C2CD2: variants seen among roughly 807,000 people sequenced by gnomAD.
The protein encoded by C2CD2 is C2 calcium dependent domain containing 2, also known as C2 domain-containing protein 2.
In C2CD2, 43 loss-of-function variants were observed where a neutral mutation model predicts 74.3. That is an observed-to-expected ratio of 0.58 (90% CI 0.45 to 0.75). The LOEUF is 0.75. Ranked by LOEUF, C2CD2 falls within the 30% of genes least tolerant of loss-of-function variation. C2CD2 has a pLI of 0.00. For missense variants in C2CD2, 801 were observed against 916.3 expected (o/e 0.87, Z 1.63); for synonymous variants, 422 against 390.7 (o/e 1.08, Z -0.94).
intron 3 of C2CD2, among the ~76,000 whole-genome samples, chr21:41,919,598 G>C (rs551270867): frequency 6.6e-6 from 1 of 152,300 alleles, no homozygotes; most frequent in South Asian, 2.1e-4. Flanking sequence ...AAGGGCCCAG[G>C]GCGCCTCATT....
Position 41,953,473 on chromosome 21 carries a change from C to G in C2CD2, c.176G>C (p.Gly59Ala), listed in dbSNP as rs1486438453. The change falls in exon 1 of 14, where the codon GGG (glycine) becomes GCG (alanine). Residue 59 changes from glycine to alanine, a missense_variant. Transcript: ENST00000380486. Reference sequence around the variant, plus strand: ...GATCCAGGAGAGCAGCGCGTCGGACCCCGGGCGCGGCCCCTCTCCAGGCTC... The same window carrying G: ...GATCCAGGAGAGCAGCGCGTCGGACGCCGGGCGCGGCCCCTCTCCAGGCTC... Reference protein sequence around the residue: ...AVEPGEGPRPGSDALLSWILT... With the variant: ...AVEPGEGPRPASDALLSWILT... The G allele has an allele frequency of 6.7e-7, 1 of 1,484,828 alleles. No individual in the cohort carries two copies. Among genetic ancestry groups the G allele is most frequent in the African/African-American group, 1.5e-5 (1 of 68,582 alleles). 92.0% of individuals were successfully genotyped at this position (1,484,828 alleles called of 1,614,324 possible). A position where few individuals can be genotyped will look rare whatever the true frequency, so the allele number is the denominator to read the frequency against.
Position 41,953,900 on chromosome 21 carries a change from G to A in C2CD2, c.-252C>T, listed in dbSNP as rs2065472080. On this transcript the variant is annotated 5_prime_UTR_variant, in exon 1 of 14. Coordinates refer to ENST00000380486, the MANE Select transcript of C2CD2 (RefSeq NM_015500.2). Reference sequence around the variant, plus strand: ...GAACAGGGGCGCGAGCGGACCCCGCGGCCCGCGCTCCCGACTCGGCGTCTG... The same window carrying A: ...GAACAGGGGCGCGAGCGGACCCCGCAGCCCGCGCTCCCGACTCGGCGTCTG... 1 of 198,142 alleles carries A rather than the reference G, an allele frequency of 5.0e-6. No homozygotes were observed. The highest frequency in any genetic ancestry group is 2.4e-5 in the African/African-American group (1 of 42,370). The allele number at this position is 198,142 out of a possible 1,614,324, so 12.3% of individuals were successfully genotyped here.
Position 41,907,007 on chromosome 21 carries a change from A to ATG in C2CD2, c.1302_1303insCA (p.Ser435HisfsTer4), listed in dbSNP as rs749107002. 5.6e-6 allele frequency: 9 copies of ATG among 1,613,540 alleles called. No individual in the cohort carries two copies. The African/African-American group carries it at 1.1e-4, about 19-fold the overall frequency. On this transcript the variant is annotated frameshift_variant, in exon 10 of 14. Coordinates refer to ENST00000380486, the MANE Select transcript of C2CD2 (RefSeq NM_015500.2). LOFTEE classifies it high-confidence loss of function. ...GTTGTCTCACCAGAGCTCAGCGGGG[A>ATG]CGCCCTCCCCACGTCGACGCGAGGC...
At chr21:41,909,139 TGTTTTC>T (rs1356960111) in intron 8 of C2CD2, among the ~76,000 whole-genome samples, 2 of 152,346 alleles carry the variant, frequency 1.3e-5, no homozygotes, top group African/African-American at 4.8e-5. Flanking sequence ...TTTTTGTTTT[TGTTTTC>T]CAAAAAAAGG....
At chr21:41,890,197 C>A (rs929477488) in intron 13 of C2CD2, among the ~76,000 whole-genome samples, 1 of 152,150 alleles carries the variant, frequency 6.6e-6, no homozygotes, top group Non-Finnish European at 1.5e-5. Context: ...AAAAATAATT[C>A]CAGATCCTAT....
intron 1 of C2CD2, among the ~76,000 whole-genome samples, chr21:41,942,571 C>G (rs1406705679): frequency 1.3e-5 from 2 of 152,206 alleles, no homozygotes; most frequent in Non-Finnish European, 2.9e-5. Context: ...AGGAAAGAAA[C>G]AGACTCTTGG....
rs1174412683 is a variant in C2CD2 at position 41,929,227 on chromosome 21, G to A, written c.379-7142C>T. ...TCACTCTGGCCTCTGCTGCGTCAGA[G>A]CTCCATACCTTGGCCAAGTGACTGC... On this transcript the variant is annotated intron_variant, in intron 2 of 13. Transcript: ENST00000380486. This position sits in a 1 kb window ranked among gnomAD's most constrained non-coding sequence, Gnocchi z 4.6. 6.6e-6 allele frequency among the ~76,000 whole-genome samples: 1 copy of A among 152,216 alleles called. No individual in the cohort carries two copies. The highest frequency in any genetic ancestry group is 2.4e-5 in the African/African-American group (1 of 41,454).
intron 2 of C2CD2, among the ~76,000 whole-genome samples, chr21:41,922,936 G>A (rs926177500): frequency 6.6e-6 from 1 of 151,720 alleles, no homozygotes; most frequent in Admixed American, 6.6e-5. Flanking sequence ...GACTTTCTTA[G>A]CAGCTAAAGT....
At chr21:41,908,635 C>G (rs1265930039) in intron 8 of C2CD2, 2 of 152,150 alleles carry the variant, frequency 1.3e-5, no homozygotes, top group Non-Finnish European at 2.9e-5. Context: ...TTGCTAACAA[C>G]TAGGATATAA....
rs1259352981 is a variant in C2CD2 at position 41,930,152 on chromosome 21, G to T, written c.379-8067C>A. Among the ~76,000 whole-genome samples, 14 of 149,604 alleles carry T rather than the reference G, an allele frequency of 9.4e-5. 2 individuals carry two copies. In the Admixed American group the frequency reaches 9.4e-4, roughly 10 times the overall value. On this transcript the variant is annotated intron_variant, in intron 2 of 13. Coordinates refer to ENST00000380486, the MANE Select transcript of C2CD2 (RefSeq NM_015500.2). ...TCCGGTGGGAGAGAGTTTCATCATG[G>T]GCACACTCTGGGTTATAAATCGACT...
At chr21:41,921,626 C>A (rs1291067517) in intron 3 of C2CD2, among the ~76,000 whole-genome samples, 1 of 152,170 alleles carries the variant, frequency 6.6e-6, no homozygotes, top group African/African-American at 2.4e-5. Context: ...AAGCTGCAAC[C>A]AGCGCTGGAT....
At chr21:41,894,603 G>A (rs2064798715) in intron 13 of C2CD2, 2 of 454,814 alleles carry the variant, frequency 4.4e-6, no homozygotes, top group Non-Finnish European at 8.8e-6. Flanking sequence ...GGGTCTCATG[G>A]AGCAAAGCCC....
intron 8 of C2CD2, chr21:41,908,529 C>A (rs2064991912): frequency 6.6e-6 from 1 of 152,044 alleles, no homozygotes; most frequent in Non-Finnish European, 1.5e-5. Context: ...CTGTGCAGGT[C>A]CCCGACCTGC....
chr21:41,922,160 C>CTT lies in C2CD2; in HGVS notation c.379-77_379-76dup, dbSNP rs375824611. The CTT allele has an allele frequency of 6.0e-3, 4,308 of 720,594 alleles. 40 individuals are homozygous for CTT. The highest frequency in any genetic ancestry group is 6.9e-3 in the Non-Finnish European group (3,014 of 433,984). 44.6% of individuals were successfully genotyped at this position (720,594 alleles called of 1,614,324 possible). A position where few individuals can be genotyped will look rare whatever the true frequency, so the allele number is the denominator to read the frequency against. ...GCGCGTGCATACGCATCTTCTTCTTCTTCTTTTTTTTTTTTTGAGACAAGG... is the reference window on the plus strand; with the variant it reads ...GCGCGTGCATACGCATCTTCTTCTTCTTTTCTTTTTTTTTTTTTGAGACAAGG... On this transcript the variant is annotated intron_variant, in intron 2 of 13. Transcript: ENST00000380486.
intron 13 of C2CD2, among the ~76,000 whole-genome samples, chr21:41,893,997 C>A (rs867468545): frequency 1.3e-5 from 2 of 152,220 alleles, no homozygotes; most frequent in Admixed American, 6.5e-5. Flanking sequence ...CGGCTCCTGG[C>A]CTGTTTTGTT....
At chr21:41,907,205 A>G in intron 9 of C2CD2, 39 bp from the exon 10 acceptor site, 1 of 1,575,842 alleles carries the variant, frequency 6.3e-7, no homozygotes, top group Non-Finnish European at 8.7e-7. Context: ...GGTTTTGTGG[A>G]AGTTGCCCAG....
At position 41,887,143 on chromosome 21, in the gene C2CD2, T is replaced by C. The variant is rs1357397823; in HGVS notation, c.*1981A>G. ...TCTTAAATATGTCTCAGCCTCTTTTTACCACATGGCAAAGAGCAGTAAAAC... is the reference window on the plus strand; with the variant it reads ...TCTTAAATATGTCTCAGCCTCTTTTCACCACATGGCAAAGAGCAGTAAAAC... On this transcript the variant is annotated 3_prime_UTR_variant, in exon 14 of 14. Transcript: ENST00000380486. The C allele has an allele frequency of 6.6e-6, 1 of 152,228 alleles. No individual in the cohort carries two copies. The highest frequency in any genetic ancestry group is 1.9e-4 in the East Asian group (1 of 5,206). 9.4% of individuals were successfully genotyped at this position (152,228 alleles called of 1,614,324 possible).
At position 41,918,847 on chromosome 21, in the gene C2CD2, C is replaced by T. The variant is rs376388047; in HGVS notation, c.597+9G>A. 472 of 1,605,754 alleles carry T rather than the reference C, an allele frequency of 2.9e-4. No homozygotes were observed. Among genetic ancestry groups the T allele is most frequent in the Admixed American group, 3.7e-4 (22 of 59,990 alleles). ...CCAATGGAAGAATCATAAAAACTTA[C>T]GGACTGACCTCCCCCAGTGCTTTGG... On this transcript the variant is annotated intron_variant, in intron 4 of 13. Coordinates refer to ENST00000380486, the MANE Select transcript of C2CD2 (RefSeq NM_015500.2).
chr21:41,915,134 C>G (rs1018389405), intron 5 of C2CD2, among the ~76,000 whole-genome samples: 1 of 152,186 alleles, frequency 6.6e-6, no homozygotes, highest in African/African-American at 2.4e-5. Context: ...TAGTACAGAG[C>G]AGGACACCAG....
Sources: allele counts gnomAD v4.1 joint callset (sites outside exome capture counted in the v4.1 genomes callset), GRCh38; gene constraint gnomAD v4.1.1; non-coding constraint Gnocchi (gnomAD v3.1); transcripts MANE v1.5; gene names NCBI Gene and HGNC (gene_info 2026-07-23, HGNC 2026-07-21).